MSRA: variants seen among roughly 807,000 people sequenced by gnomAD.
MSRA encodes methionine sulfoxide reductase A.
A neutral mutation model predicts 31.3 loss-of-function variants in MSRA; 54 were observed. That is an observed-to-expected ratio of 1.73 (90% CI 1.39 to 2.17). MSRA has a LOEUF of 2.17. Ranked by LOEUF, MSRA falls within the 30% of genes most tolerant of loss-of-function variation. The pLI is 0.00. For synonymous variants in MSRA, 169 were observed against 116.5 expected, an observed-to-expected ratio of 1.45 and a Z score of -2.90; for missense variants, 507 against 300.9, an observed-to-expected ratio of 1.69 and a Z score of -5.07.
intron 1 of MSRA, among the ~76,000 whole-genome samples, chr8:10,180,005 T>C (rs1420167825): frequency 6.6e-6 from 1 of 152,192 alleles, no homozygotes; most frequent in Non-Finnish European, 1.5e-5. Flanking sequence ...AGACACCAAC[T>C]GGGTGTCTAA....
intron 1 of MSRA, among the ~76,000 whole-genome samples, chr8:10,153,281 G>A (rs910540107): frequency 2.6e-5 from 4 of 152,196 alleles, no homozygotes; most frequent in Admixed American, 2.6e-4. Flanking sequence ...GAGGCATGAG[G>A]TGGGGAAATA....
Position 10,219,806 on chromosome 8 carries a change from C to CA in MSRA, c.211+11927dup, listed in dbSNP as rs59393980. Among the ~76,000 whole-genome samples, 301 of 56,882 alleles carry CA rather than the reference C, an allele frequency of 5.3e-3. 5 individuals carry two copies. Among genetic ancestry groups the CA allele is most frequent in the Non-Finnish European group, 5.8e-3 (205 of 35,186 alleles). 37.3% of individuals were successfully genotyped at this position (56,882 alleles called of 152,430 possible). On this transcript the variant is annotated intron_variant, in intron 2 of 5. Coordinates refer to ENST00000317173, the MANE Select transcript of MSRA (RefSeq NM_012331.5). ...GGACGACAGATCGAGACTCTGTCTCCAAAAAAAAAAAAAAAAAAAAAAGAT... is the reference window on the plus strand; with the variant it reads ...GGACGACAGATCGAGACTCTGTCTCCAAAAAAAAAAAAAAAAAAAAAAAGAT...
intron 2 of MSRA, among the ~76,000 whole-genome samples, chr8:10,216,796 A>G (rs1029724621): frequency 1.3e-5 from 2 of 152,200 alleles, no homozygotes; most frequent in East Asian, 1.9e-4. Context: ...TGGTTTGTCC[A>G]TTCACCTGTC....
intron 5 of MSRA, among the ~76,000 whole-genome samples, chr8:10,327,343 C>G (rs1802419423): frequency 6.6e-6 from 1 of 152,162 alleles, no homozygotes; most frequent in Non-Finnish European, 1.5e-5. Flanking sequence ...CTTCAACTAT[C>G]TAGCAATTTA....
chr8:10,155,002 T>TTATATATATA lies in MSRA; in HGVS notation c.143-52828_143-52819dup, dbSNP rs528753270. ...AATAGTTTGATAATGTGTATATATT[T>TTATATATATA]TATATATATATAGGTTTTACCTTGC... is the stretch of plus-strand genomic sequence containing the variant. On this transcript the variant is annotated intron_variant, in intron 1 of 5. Transcript: ENST00000317173. Among the ~76,000 whole-genome samples, 26 of 123,890 alleles carry TTATATATATA rather than the reference T, an allele frequency of 2.1e-4. 3 individuals are homozygous for TTATATATATA. Among genetic ancestry groups the TTATATATATA allele is most frequent in the African/African-American group, 7.5e-4 (23 of 30,846 alleles). The allele number at this position is 123,890 out of a possible 152,430, so 81.3% of individuals were successfully genotyped here. A position where few individuals can be genotyped will look rare whatever the true frequency, so the allele number is the denominator to read the frequency against.
At chr8:10,404,165 C>G (rs1307581643) in intron 5 of MSRA, among the ~76,000 whole-genome samples, 2 of 152,136 alleles carry the variant, frequency 1.3e-5, no homozygotes, top group Non-Finnish European at 2.9e-5. Flanking sequence ...GCCCCTGGTC[C>G]ACGTGGAGAG....
intron 1 of MSRA, among the ~76,000 whole-genome samples, chr8:10,203,906 A>G (rs370549956): frequency 6.6e-5 from 10 of 152,236 alleles, no homozygotes; most frequent in African/African-American, 2.4e-4. Context: ...GATCATGCTT[A>G]GGCTTAGGCG....
At chr8:10,242,482 C>G (rs193277694) in intron 2 of MSRA, among the ~76,000 whole-genome samples, 1 of 152,090 alleles carries the variant, frequency 6.6e-6, no homozygotes, top group African/African-American at 2.4e-5. Flanking sequence ...TGGCAAACTT[C>G]TGATTCTTGA....
At chr8:10,344,826 A>T (rs1803668718) in intron 5 of MSRA, among the ~76,000 whole-genome samples, 1 of 152,138 alleles carries the variant, frequency 6.6e-6, no homozygotes, top group African/African-American at 2.4e-5. Flanking sequence ...ACTACAGTGG[A>T]CATATTTATT....
intron 5 of MSRA, among the ~76,000 whole-genome samples, chr8:10,364,618 G>A (rs1805051409): frequency 2.6e-5 from 4 of 152,216 alleles, no homozygotes; most frequent in Admixed American, 2.6e-4. Context: ...CTTGACAGGA[G>A]GCTGACGATT....
chr8:10,239,921 A>G (rs1812265277), intron 2 of MSRA, among the ~76,000 whole-genome samples: 3 of 152,070 alleles, frequency 2.0e-5, no homozygotes, highest in Non-Finnish European at 2.9e-5. Flanking sequence ...TGTTCACTGA[A>G]CTGGTGCTGT....
chr8:10,307,989 G>C (rs144896834), intron 4 of MSRA, among the ~76,000 whole-genome samples: 2 of 152,286 alleles, frequency 1.3e-5, no homozygotes, highest in African/African-American at 4.8e-5. Context: ...TAGAGGAAGG[G>C]GCATTCTCTT....
At chr8:10,360,899 GA>G (rs1804809088) in intron 5 of MSRA, among the ~76,000 whole-genome samples, 1 of 152,192 alleles carries the variant, frequency 6.6e-6, no homozygotes, top group Non-Finnish European at 1.5e-5. Context: ...GGCAAGACCA[GA>G]GTGGAACATA....
intron 1 of MSRA, among the ~76,000 whole-genome samples, chr8:10,076,454 C>T (rs1797999002): frequency 6.6e-6 from 1 of 152,184 alleles, no homozygotes; most frequent in Non-Finnish European, 1.5e-5. Context: ...ACCTATGAAG[C>T]AGGAAGGTTG....
chr8:10,255,432 C>G (rs994448139), intron 3 of MSRA, among the ~76,000 whole-genome samples: 1 of 152,200 alleles, frequency 6.6e-6, no homozygotes, highest in African/African-American at 2.4e-5. Context: ...CAGTGAAATT[C>G]CGTTTTCAAT....
At chr8:10,343,907 G>C (rs114235152) in intron 5 of MSRA, among the ~76,000 whole-genome samples, 1 of 152,266 alleles carries the variant, frequency 6.6e-6, no homozygotes, top group East Asian at 1.9e-4. Context: ...ACATATGTGG[G>C]TATCAATAAT....
chr8:10,187,510 C>G (rs533759942), intron 1 of MSRA, among the ~76,000 whole-genome samples: 1 of 152,106 alleles, frequency 6.6e-6, no homozygotes, highest in Non-Finnish European at 1.5e-5. Flanking sequence ...ACACAACCAC[C>G]CTTTCAAAAA....
intron 1 of MSRA, among the ~76,000 whole-genome samples, chr8:10,114,418 T>A (rs576675714): frequency 6.6e-6 from 1 of 152,346 alleles, no homozygotes; most frequent in South Asian, 2.1e-4. Flanking sequence ...CCAAACTGTT[T>A]TTCACAATAG....
At chr8:10,093,383 A>T (rs1006872980) in intron 1 of MSRA, among the ~76,000 whole-genome samples, 5 of 152,146 alleles carry the variant, frequency 3.3e-5, no homozygotes, top group African/African-American at 1.2e-4. Context: ...ATTACAGTTA[A>T]CATCTTAATT....
Sources: allele counts gnomAD v4.1 joint callset (sites outside exome capture counted in the v4.1 genomes callset), GRCh38; gene constraint gnomAD v4.1.1; transcripts MANE v1.5; gene names NCBI Gene and HGNC (gene_info 2026-07-23, HGNC 2026-07-21).